Variants in DPP6 observed in about 807,000 individuals in gnomAD.
DPP6 encodes the protein dipeptidyl peptidase like 6, also known as A-type potassium channel modulatory protein DPP6.
Under a neutral mutation model 122.6 loss-of-function variants are expected in DPP6, and 69 were observed. That is an observed-to-expected ratio of 0.56 (90% CI 0.46 to 0.69). DPP6 has a LOEUF of 0.69. Ranked by LOEUF, DPP6 falls within the 30% of genes least tolerant of loss-of-function variation. The pLI is 0.00. For missense variants in DPP6, 928 were observed against 1,116.9 expected (o/e 0.83, Z 2.41); for synonymous variants, 418 against 433.1 (o/e 0.97, Z 0.43).
chr7:153,830,602 C>A, the DPP6 span, among the ~76,000 whole-genome samples: 1 of 152,222 alleles, frequency 6.6e-6, no homozygotes, highest in South Asian at 2.1e-4. Context: ...GCTCTCTTTT[C>A]TCTCCCTGTT....
intron 3 of DPP6, among the ~76,000 whole-genome samples, chr7:154,524,025 C>T (rs1359663695): frequency 2.0e-5 from 3 of 152,220 alleles, no homozygotes; most frequent in Non-Finnish European, 4.4e-5. Flanking sequence ...ACCTCTTCTA[C>T]ACTTACGAGT....
intron 7 of DPP6, among the ~76,000 whole-genome samples, chr7:154,704,523 A>G (rs556859557): frequency 5.2e-4 from 79 of 152,342 alleles, no homozygotes; most frequent in African/African-American, 1.9e-3. Flanking sequence ...GGAAGAATCA[A>G]TCAATGTGCA....
intron 1 of DPP6, among the ~76,000 whole-genome samples, chr7:154,067,388 G>A (rs1802805621): frequency 2.0e-5 from 3 of 149,442 alleles, no homozygotes; most frequent in Admixed American, 1.3e-4. Context: ...GATTCTTGAA[G>A]AGTTAATGGG....
At chr7:153,847,915 T>C in the DPP6 span, among the ~76,000 whole-genome samples, 1 of 152,302 alleles carries the variant, frequency 6.6e-6, no homozygotes, top group East Asian at 1.9e-4. Flanking sequence ...ACGTTGGCAA[T>C]GTCACACTCT....
In DPP6 at chr7:154,483,809, C is replaced by T. The variant is rs1823545887; in HGVS notation, c.457+8772C>T. On this transcript the variant is annotated intron_variant, in intron 3 of 25. Coordinates refer to ENST00000377770, the MANE Select transcript of DPP6 (RefSeq NM_130797.4). This position sits in a 1 kb window ranked among gnomAD's most constrained non-coding sequence, Gnocchi z 8.1. ...TCCCGGGTTCAAGCGATTCTCCTGC[C>T]TCAGCCTCCCTAGTAGCTGGGATTA... Among the ~76,000 whole-genome samples, 1 of 152,178 alleles carries T rather than the reference C, an allele frequency of 6.6e-6. No homozygotes were observed. Among genetic ancestry groups the T allele is most frequent in the Non-Finnish European group, 1.5e-5 (1 of 68,028 alleles).
At chr7:153,944,456 G>A (rs907242610) in intron 1 of DPP6, among the ~76,000 whole-genome samples, 3 of 152,138 alleles carry the variant, frequency 2.0e-5, no homozygotes, top group Non-Finnish European at 4.4e-5. Flanking sequence ...CGAGAAGAGC[G>A]TGTTGGGGAC....
chr7:153,762,074 G>A, the DPP6 span, among the ~76,000 whole-genome samples: 8 of 152,298 alleles, frequency 5.3e-5, no homozygotes, highest in South Asian at 6.2e-4. Flanking sequence ...ACTAAAGTCC[G>A]TGTAAAAAAC....
the DPP6 span, among the ~76,000 whole-genome samples, chr7:153,881,968 C>T: frequency 6.6e-6 from 1 of 152,100 alleles, no homozygotes; most frequent in Admixed American, 6.6e-5. Context: ...ATTTGCATAT[C>T]ACCCACCAGA....
chr7:154,451,122 G>T lies in DPP6; in HGVS notation c.358+4794G>T, dbSNP rs151132649. Among the ~76,000 whole-genome samples, 267 of 152,200 alleles carry T rather than the reference G, an allele frequency of 1.8e-3. 9 individuals are homozygous for T. Among genetic ancestry groups the T allele is most frequent in the Admixed American group, 0.016 (240 of 15,286 alleles). On this transcript the variant is annotated intron_variant, in intron 2 of 25. Transcript: ENST00000377770. ...TCATGCCTGTAATCCCAGCACTTTA[G>T]GAGGGCGAGGTGGGCAGATCACGAG... is the stretch of plus-strand genomic sequence containing the variant.
chr7:154,388,925 C>G (rs2052218), intron 1 of DPP6, among the ~76,000 whole-genome samples: 84,260 of 152,036 alleles, frequency 0.55, 26,876 homozygotes, highest in South Asian at 0.7. Context: ...CCAGTGATCT[C>G]TTTCCTTCTC....
At chr7:154,165,275 C>G (rs1429577593) in intron 1 of DPP6, among the ~76,000 whole-genome samples, 4 of 144,380 alleles carry the variant, frequency 2.8e-5, no homozygotes, top group African/African-American at 1.1e-4. Context: ...TTTGTTCTTG[C>G]GATAGTTTAC....
chr7:154,325,019 C>T (rs1229937614), intron 1 of DPP6, among the ~76,000 whole-genome samples: 1 of 151,984 alleles, frequency 6.6e-6, no homozygotes, highest in Non-Finnish European at 1.5e-5. Context: ...TGTGTACCAC[C>T]ATGCTTGGCT....
In DPP6 at chr7:154,828,595, G is replaced by A. The variant is rs906349308; in HGVS notation, c.1666+21483G>A. Among the ~76,000 whole-genome samples, 32 of 152,148 alleles carry A rather than the reference G, an allele frequency of 2.1e-4. 1 individual carries two copies. The highest frequency in any genetic ancestry group is 1.1e-3 in the Admixed American group (17 of 15,282). ...TTCATCTTCTCTAATATATTCCAGC[G>A]GGCTACATTAAACACCTAAGCAGAT... On this transcript the variant is annotated intron_variant, in intron 16 of 25. Coordinates refer to ENST00000377770, the MANE Select transcript of DPP6 (RefSeq NM_130797.4).
At chr7:154,741,317 C>G (rs1443322626) in intron 8 of DPP6, among the ~76,000 whole-genome samples, 2 of 152,236 alleles carry the variant, frequency 1.3e-5, no homozygotes, top group Non-Finnish European at 2.9e-5. Context: ...CCCAGGCAAC[C>G]TGGCAGAACC....
chr7:153,777,301 A>G, the DPP6 span, among the ~76,000 whole-genome samples: 2 of 151,886 alleles, frequency 1.3e-5, no homozygotes, highest in Non-Finnish European at 2.9e-5. Flanking sequence ...GTAATGCAAA[A>G]TGTTTCATCT....
At chr7:154,529,282 A>G (rs1827655255) in intron 3 of DPP6, among the ~76,000 whole-genome samples, 1 of 152,188 alleles carries the variant, frequency 6.6e-6, no homozygotes, top group African/African-American at 2.4e-5. Context: ...TGACCTGTGA[A>G]TCATATCTGT....
At chr7:153,797,373 G>A in the DPP6 span, among the ~76,000 whole-genome samples, 1 of 152,170 alleles carries the variant, frequency 6.6e-6, no homozygotes, top group East Asian at 1.9e-4. Flanking sequence ...AGGAGGAAAG[G>A]AGAAAAGGAT....
In DPP6 at chr7:154,064,486, G is replaced by GA. The variant is rs552369915; in HGVS notation, c.243+11431dup. ...GACACATTCCACAATGACCTACAGA[G>GA]AAAAAAAAGGCTCAAATTGTATAGC... On this transcript the variant is annotated intron_variant, in intron 1 of 25. Transcript: ENST00000377770. Among the ~76,000 whole-genome samples the GA allele has an allele frequency of 1.1e-4, 16 of 151,848 alleles. No homozygotes were observed. In the East Asian group the frequency reaches 1.2e-3, roughly 11 times the overall value.
rs1286434712 is a variant in DPP6 at position 154,721,832 on chromosome 7, T to C, written c.763-5935T>C. ...AGGCCAGCCACTGTTTTACGTACTT[T>C]GAGTTGGTTGACTCACTTGCTCTTC... On this transcript the variant is annotated intron_variant, in intron 7 of 25. Transcript: ENST00000377770. 2.6e-5 allele frequency among the ~76,000 whole-genome samples: 4 copies of C among 152,138 alleles called. No homozygotes were observed. In the East Asian group the frequency reaches 7.7e-4, roughly 29 times the overall value.
Sources: gnomAD v4.1 joint callset for allele counts (sites outside exome capture counted in the v4.1 genomes callset) on GRCh38, gnomAD v4.1.1 for gene constraint, Gnocchi (gnomAD v3.1) non-coding constraint, MANE v1.5 for transcripts, NCBI Gene and HGNC (gene_info 2026-07-23, HGNC 2026-07-21) for gene names.